The following SYTL2 variants were observed in gnomAD, a reference collection of about 807,000 sequenced individuals.
SYTL2 encodes synaptotagmin-like protein 2.
SYTL2 carries 165 observed loss-of-function variants against 198.7 expected under a neutral mutation model. The observed-to-expected ratio is 0.83, with a 90% CI of 0.73 to 0.94. The LOEUF is 0.94. SYTL2 is among the 40% of genes least tolerant of loss of function. The pLI is 0.00. For synonymous variants in SYTL2, 966 were observed against 917.7 expected (o/e 1.05, Z -0.95); for missense variants, 2,835 against 2,582.8 (o/e 1.10, Z -2.12).
chr11:85,807,250 T>C (rs2092970504), intron 1 of SYTL2, among the ~76,000 whole-genome samples: 2 of 152,240 alleles, frequency 1.3e-5, no homozygotes, highest in South Asian at 4.1e-4. Context: ...AATGAGATAC[T>C]AGCCACCAAG....
At chr11:85,719,190 G>GACT in intron 9 of SYTL2, 3 of 1,267,768 alleles carry the variant, frequency 2.4e-6, no homozygotes, top group Non-Finnish European at 3.0e-6. Context: ...TGCTAGCCAT[G>GACT]ACTAACACCT....
At chr11:85,701,447 T>C (rs2084287150) in intron 16 of SYTL2, among the ~76,000 whole-genome samples, 1 of 152,230 alleles carries the variant, frequency 6.6e-6, no homozygotes, top group Non-Finnish European at 1.5e-5. Flanking sequence ...TTTGAAATTT[T>C]TGAATTAGGG....
At chr11:85,753,348 G>T (rs2091662588) in intron 2 of SYTL2, among the ~76,000 whole-genome samples, 1 of 152,136 alleles carries the variant, frequency 6.6e-6, no homozygotes, top group Admixed American at 6.6e-5. Flanking sequence ...TAGGGAAGCA[G>T]GCTGTGTAGC....
chr11:85,734,650 T>A lies in SYTL2; in HGVS notation c.679A>T (p.Asn227Tyr). 1 of 1,614,182 alleles carries A rather than the reference T, an allele frequency of 6.2e-7. No homozygotes were observed. The highest frequency in any genetic ancestry group is 8.5e-7 in the Non-Finnish European group (1 of 1,180,008). ...ATTGGAGCCTTGATTTGGGACCCATTTGAAAGGCCTGGCAAAGTCTGCTTT... is the reference window on the plus strand; with the variant it reads ...ATTGGAGCCTTGATTTGGGACCCATATGAAAGGCCTGGCAAAGTCTGCTTT... ...KSKQTLPGLS[N>Y]GSQIKAPIPK... The change falls in exon 7 of 20, where the codon AAT (asparagine) becomes TAT (tyrosine). Residue 227 changes from asparagine to tyrosine, a missense_variant. Around this residue, in one of 3 missense-constraint regions of SYTL2, gnomAD observed 2,645 missense variants for 2,381.7 expected, o/e 1.11. Transcript: ENST00000359152.
At position 85,725,661 on chromosome 11, in the gene SYTL2, C is replaced by G; in HGVS notation, c.3697G>C (p.Ala1233Pro). 1 of 1,614,068 alleles carries G rather than the reference C, an allele frequency of 6.2e-7. No homozygotes were observed. Among genetic ancestry groups the G allele is most frequent in the Non-Finnish European group, 8.5e-7 (1 of 1,180,016 alleles). The stretch of plus-strand genomic sequence containing the variant: ...GAGTTGGTTCCAGTGATAACAGGCG[C>G]CAACTTGGCTTGCAAGGGAGAGGGT... ...TSPSPLQAKL[A>P]PVITGTNSKL... Residue 1233 changes from alanine to proline, a missense_variant, in exon 8 of 20, where the codon GCG becomes CCG. Coordinates refer to ENST00000359152, the MANE Select transcript of SYTL2 (RefSeq NM_206927.4).
In SYTL2 at chr11:85,717,510, GC is replaced by G; in HGVS notation, c.5502del (p.Lys1834AsnfsTer31). 1 of 1,613,036 alleles carries G rather than the reference GC, an allele frequency of 6.2e-7. No homozygotes were observed. The highest frequency in any genetic ancestry group is 1.3e-5 in the African/African-American group (1 of 74,992). ...CTTGGTACGCATTCATTTGTAACTG[GC>G]TTCTGATCTGGTTTCTCATCTACTC... ...SAEDDEKPDQ[K>X]PVTNECVPRI... is the part of the protein sequence containing the mutation. On this transcript the variant is annotated frameshift_variant, in exon 11 of 20. Transcript: ENST00000359152. LOFTEE classifies it high-confidence loss of function.
chr11:85,722,078 T>C (rs1300886681), intron 8 of SYTL2, among the ~76,000 whole-genome samples: 1 of 152,004 alleles, frequency 6.6e-6, no homozygotes, highest in Non-Finnish European at 1.5e-5. Context: ...GGTTAGAGTA[T>C]ATAAACCTAA....
chr11:85,770,693 C>T (rs1383960935), intron 1 of SYTL2, among the ~76,000 whole-genome samples: 1 of 152,172 alleles, frequency 6.6e-6, no homozygotes, highest in Non-Finnish European at 1.5e-5. Flanking sequence ...AATGTCTTTA[C>T]CTTTTATCTG....
chr11:85,782,552 C>T (rs1028732615), intron 1 of SYTL2, among the ~76,000 whole-genome samples: 1 of 152,234 alleles, frequency 6.6e-6, no homozygotes, highest in Non-Finnish European at 1.5e-5. Flanking sequence ...TTCTGTCACA[C>T]AGTCAGGCTG....
the SYTL2 span, among the ~76,000 whole-genome samples, chr11:85,831,485 G>T: frequency 6.6e-6 from 1 of 152,034 alleles, no homozygotes; most frequent in East Asian, 1.9e-4. Context: ...AATGGAAATA[G>T]ATCCTTTTGG....
chr11:85,745,782 G>C lies in SYTL2; in HGVS notation c.254-10C>G. The C allele has an allele frequency of 6.2e-7, 1 of 1,605,666 alleles. No individual in the cohort carries two copies. The highest frequency in any genetic ancestry group is 8.5e-7 in the Non-Finnish European group (1 of 1,174,308). ...TCTTTACTCTGCTCAGCTGAAACAG[G>C]AAACAGTAAAGACAGGAAGGTTATC... On this transcript the variant is annotated splice_polypyrimidine_tract_variant and intron_variant, in intron 3 of 19. Transcript: ENST00000359152.
the SYTL2 span, among the ~76,000 whole-genome samples, chr11:85,839,985 G>T: frequency 6.6e-6 from 1 of 152,142 alleles, no homozygotes; most frequent in African/African-American, 2.4e-5. Flanking sequence ...TTTTAACAGG[G>T]TGAGATGATG....
chr11:85,729,800 G>A (rs542950871), intron 7 of SYTL2, among the ~76,000 whole-genome samples: 1 of 152,254 alleles, frequency 6.6e-6, no homozygotes, highest in East Asian at 1.9e-4. Context: ...ATGAATCCAG[G>A]AGCAGGTTCA....
At chr11:85,774,624 C>T (rs2092419452) in intron 1 of SYTL2, among the ~76,000 whole-genome samples, 1 of 152,112 alleles carries the variant, frequency 6.6e-6, no homozygotes, top group African/African-American at 2.4e-5. Context: ...TTATTTTTTA[C>T]GTGATCCCAA....
At chr11:85,711,059 G>C (rs2086181970) in intron 13 of SYTL2, 54 bp downstream of exon 13, 3 of 1,591,626 alleles carry the variant, frequency 1.9e-6, no homozygotes, top group Non-Finnish European at 2.6e-6. Context: ...GAGCATGTCA[G>C]AGCAAGGTTC....
the SYTL2 span, chr11:85,853,657 T>TAAA: frequency 3.6e-5 from 3 of 82,688 alleles, no homozygotes; most frequent in Non-Finnish European, 7.5e-5. Context: ...GAATGATCAA[T>TAAA]AAAAAAAAAA....
At chr11:85,853,325 C>A in the SYTL2 span, 1 of 444,378 alleles carries the variant, frequency 2.3e-6, no homozygotes, top group Non-Finnish European at 4.5e-6. Context: ...AGGAAAGATT[C>A]TTCTGCCTTG....
the SYTL2 span, among the ~76,000 whole-genome samples, chr11:85,851,998 G>A: frequency 0.014 from 2,078 of 152,230 alleles, 21 homozygotes; most frequent in African/African-American, 0.029. Context: ...ATAGACTAAA[G>A]GGAGGTTAAA....
In SYTL2 at chr11:85,726,813, A is replaced by T. The variant is rs963052464; in HGVS notation, c.2545T>A (p.Tyr849Asn). ...MDSLSTDQSE[Y>N]NQAIPKRVVL... The stretch of plus-strand genomic sequence containing the variant: ...ACTCGTTTGGGAATGGCCTGATTAT[A>T]TTCACTCTGGTCTGTAGATAAACTG... Residue 849 changes from tyrosine to asparagine, a missense_variant, in exon 8 of 20, where the codon TAT (tyrosine) becomes AAT (asparagine). This residue lies in a region of SYTL2 where 2,645 missense variants were observed against 2,381.7 expected (regional missense o/e 1.11). Transcript: ENST00000359152. The T allele has an allele frequency of 6.5e-7, 1 of 1,536,274 alleles. No individual in the cohort carries two copies. Among genetic ancestry groups the T allele is most frequent in the Non-Finnish European group, 8.7e-7 (1 of 1,146,908 alleles).
Sources: gnomAD v4.1 joint callset for allele counts (sites outside exome capture counted in the v4.1 genomes callset) on GRCh38, gnomAD v4.1.1 for gene constraint, gnomAD v4.1.1 regional missense constraint, MANE v1.5 for transcripts, NCBI Gene and HGNC (gene_info 2026-07-23, HGNC 2026-07-21) for gene names.